RAD50: variants seen among roughly 807,000 people sequenced by gnomAD.
RAD50 encodes RAD50 double strand break repair protein.
RAD50 carries 132 observed loss-of-function variants against 168.8 expected under a neutral mutation model. The observed-to-expected ratio is 0.78, with a 90% CI of 0.68 to 0.90. RAD50 has a LOEUF of 0.90. RAD50 is among the 40% of genes least tolerant of loss of function. RAD50 has a pLI of 0.00. For missense variants in RAD50, 1,347 were observed against 1,534.4 expected (o/e 0.88, Z 2.04); for synonymous variants, 525 against 497.4 (o/e 1.06, Z -0.74).
Position 132,594,943 on chromosome 5 carries a change from C to T in RAD50, c.1868C>T (p.Ser623Phe), listed in dbSNP as rs760464509. 4.3e-6 allele frequency: 7 copies of T among 1,609,818 alleles called. No individual in the cohort carries two copies. In the African/African-American group the frequency reaches 8.0e-5, roughly 18 times the overall value. ...NELKRKEEQL[S>F]SYEDKLFDVC... ...CTAAAAAGAAAGGAAGAGCAGTTGT[C>T]CAGTTACGAAGACAAGCTGTTTGAT... The change falls in exon 12 of 25, where the codon TCC becomes TTC. Residue 623 changes from serine (S) to phenylalanine (F), a missense_variant. By Grantham distance (155) the Ser-to-Phe change is radical. Around this residue, in one of 3 missense-constraint regions of RAD50, gnomAD observed 703 missense variants for 767.7 expected, o/e 0.92. Coordinates refer to ENST00000378823, the MANE Select transcript of RAD50 (RefSeq NM_005732.4).
intron 2 of RAD50, among the ~76,000 whole-genome samples, chr5:132,569,207 A>G (rs1313427525): frequency 6.6e-6 from 1 of 152,236 alleles, no homozygotes; most frequent in Non-Finnish European, 1.5e-5. Context: ...GCTCATAGAT[A>G]TAAAGGAAAA....
At position 132,557,358 on chromosome 5, in the gene RAD50, G is replaced by A. The variant is rs755022536; in HGVS notation, c.34G>A (p.Val12Met). Residue 12 changes from valine to methionine, a missense_variant, in exon 1 of 25, where the codon GTG becomes ATG. By Grantham distance (21) the Val-to-Met change is conservative (BLOSUM62 1). Around this residue, in one of 3 missense-constraint regions of RAD50, gnomAD observed 703 missense variants for 767.7 expected, o/e 0.92. Transcript: ENST00000378823. ...GATCGAAAAGATGAGCATTCTGGGC[G>A]TGCGGAGTTTTGGAATAGAGGACAA... ...SRIEKMSILGVRSFGIEDKDK... is the reference protein window; with the variant it reads ...SRIEKMSILGMRSFGIEDKDK... 5 of 1,613,962 alleles carry A rather than the reference G, an allele frequency of 3.1e-6. No individual in the cohort carries two copies. In the Admixed American group the frequency reaches 5.0e-5, roughly 16 times the overall value.
intron 21 of RAD50, among the ~76,000 whole-genome samples, chr5:132,628,313 A>T (rs1281101185): frequency 6.6e-6 from 1 of 152,228 alleles, no homozygotes; most frequent in Non-Finnish European, 1.5e-5. Context: ...TATGTTTGCA[A>T]ATCCAGTAAA....
chr5:132,608,566 G>A lies in RAD50; in HGVS notation c.2719-49G>A, dbSNP rs761929304. On this transcript the variant is annotated intron_variant, in intron 16 of 24. Transcript: ENST00000378823. The stretch of plus-strand genomic sequence containing the variant: ...AAGACTGTGAAGTCTGACCCCTAAA[G>A]TAAGATAATGGAATATTATATAATA... 13 of 1,430,954 alleles carry A rather than the reference G, an allele frequency of 9.1e-6. No individual in the cohort carries two copies. The South Asian group carries it at 1.6e-4, about 18-fold the overall frequency. 88.6% of individuals were successfully genotyped at this position (1,430,954 alleles called of 1,614,324 possible).
Position 132,646,092 on chromosome 5 carries a change from C to CAAAAAAAAAAA in RAD50, c.*3739_*3749dup, listed in dbSNP as rs757145249. On this transcript the variant is annotated 3_prime_UTR_variant, in exon 25 of 25. Coordinates refer to ENST00000378823, the MANE Select transcript of RAD50 (RefSeq NM_005732.4). The stretch of plus-strand genomic sequence containing the variant: ...CAGAGTGAGACCCTGTCTAAAAAGA[C>CAAAAAAAAAAA]AAAAAAAAAAAAAAAAAAAAAGCAG... 1.4e-3 allele frequency: 105 copies of CAAAAAAAAAAA among 77,074 alleles called. 1 individual carries two copies. Among genetic ancestry groups the CAAAAAAAAAAA allele is most frequent in the African/African-American group, 3.3e-3 (73 of 22,080 alleles). The allele number at this position is 77,074 out of a possible 1,614,324, so 4.8% of individuals were successfully genotyped here. A position where few individuals can be genotyped will look rare whatever the true frequency, so the allele number is the denominator to read the frequency against.
chr5:132,563,590 A>G (rs1314359921), intron 2 of RAD50, among the ~76,000 whole-genome samples: 2 of 152,220 alleles, frequency 1.3e-5, no homozygotes, highest in African/African-American at 2.4e-5. Context: ...GAAAATTTAA[A>G]GAGAGACCAG....
At chr5:132,560,041 G>A (rs1750096314) in intron 2 of RAD50, among the ~76,000 whole-genome samples, 1 of 147,254 alleles carries the variant, frequency 6.8e-6, no homozygotes, top group South Asian at 2.1e-4. Context: ...ATATAGAAGT[G>A]AAACAACAAT....
chr5:132,613,411 TACTATA>T (rs971769914), intron 19 of RAD50, among the ~76,000 whole-genome samples: 24 of 152,116 alleles, frequency 1.6e-4, no homozygotes, highest in African/African-American at 4.8e-4. Context: ...ATTTGTGGTA[TACTATA>T]ACTGCATCTG....
Position 132,643,008 on chromosome 5 carries a change from G to A in RAD50, c.*644G>A. On this transcript the variant is annotated 3_prime_UTR_variant, in exon 25 of 25. Coordinates refer to ENST00000378823, the MANE Select transcript of RAD50 (RefSeq NM_005732.4). ...TTCTCCTACATATCCCTTCCAGATG[G>A]TCATCCAGACTCAGAGCTCTCTCTA... 1 of 528,500 alleles carries A rather than the reference G, an allele frequency of 1.9e-6. No homozygotes were observed. The highest frequency in any genetic ancestry group is 3.8e-6 in the Non-Finnish European group (1 of 261,944). 32.7% of individuals were successfully genotyped at this position (528,500 alleles called of 1,614,324 possible). A position where few individuals can be genotyped will look rare whatever the true frequency, so the allele number is the denominator to read the frequency against.
chr5:132,628,531 G>T (rs1751407205), intron 21 of RAD50, among the ~76,000 whole-genome samples: 1 of 152,096 alleles, frequency 6.6e-6, no homozygotes, highest in South Asian at 2.1e-4. Context: ...AAGTTGGGTG[G>T]GGAGAGAATG....
At chr5:132,565,071 A>G (rs1324721910) in intron 2 of RAD50, among the ~76,000 whole-genome samples, 1 of 152,052 alleles carries the variant, frequency 6.6e-6, no homozygotes, top group Non-Finnish European at 1.5e-5. Flanking sequence ...TGTTCTCATG[A>G]TAGTGAGTAA....
intron 21 of RAD50, among the ~76,000 whole-genome samples, chr5:132,625,881 C>A (rs1751364714): frequency 6.6e-6 from 1 of 151,958 alleles, no homozygotes; most frequent in East Asian, 1.9e-4. Context: ...GGCTGAATAG[C>A]ACTCCATTGT....
chr5:132,614,126 A>G (rs1751134719), intron 19 of RAD50, among the ~76,000 whole-genome samples: 1 of 152,188 alleles, frequency 6.6e-6, no homozygotes, highest in African/African-American at 2.4e-5. Flanking sequence ...AGAAATGCCT[A>G]GCTGTCTGGT....
intron 20 of RAD50, 57 bp from the exon 21 acceptor site, chr5:132,618,013 C>T (rs766118527): frequency 1.2e-5 from 17 of 1,391,832 alleles, no homozygotes; most frequent in Non-Finnish European, 1.6e-5. Context: ...GACTTTTCCA[C>T]TTCAGGTTGT....
At chr5:132,574,197 C>G (rs1171233997) in intron 2 of RAD50, among the ~76,000 whole-genome samples, 1 of 152,240 alleles carries the variant, frequency 6.6e-6, no homozygotes, top group East Asian at 1.9e-4. Context: ...CCCACCCCTG[C>G]AGCAAACATC....
At position 132,642,431 on chromosome 5, in the gene RAD50, TC is replaced by T. The variant is rs552041819; in HGVS notation, c.*68del. The stretch of plus-strand genomic sequence containing the variant: ...GAAAGTGTATAATAAGAAACTTATT[TC>T]TCATATCAACTTAGTCAATAAGAAA... On this transcript the variant is annotated 3_prime_UTR_variant, in exon 25 of 25. Coordinates refer to ENST00000378823, the MANE Select transcript of RAD50 (RefSeq NM_005732.4). 1,380 of 1,368,232 alleles carry T rather than the reference TC, an allele frequency of 1.0e-3. 25 individuals are homozygous for T. The South Asian group carries it at 0.016, about 16-fold the overall frequency. 84.8% of individuals were successfully genotyped at this position (1,368,232 alleles called of 1,614,324 possible).
chr5:132,589,884 T>G, intron 9 of RAD50, 47 bp downstream of exon 9: 1 of 1,477,832 alleles, frequency 6.8e-7, no homozygotes, highest in Non-Finnish European at 9.3e-7. Context: ...TATAATACTT[T>G]TAGAAGTATT....
chr5:132,589,525 C>G lies in RAD50; in HGVS notation c.1246-106C>G, dbSNP rs1267285001. On this transcript the variant is annotated intron_variant, in intron 8 of 24. Transcript: ENST00000378823. Reference sequence around the variant, plus strand: ...TATATCCCTGCTGAGCAACACACGACTGTACTTTTTTGTATTTTCTTCAGT... The same window carrying G: ...TATATCCCTGCTGAGCAACACACGAGTGTACTTTTTTGTATTTTCTTCAGT... 6.1e-5 allele frequency: 53 copies of G among 863,586 alleles called. 1 individual carries two copies. In the South Asian group the frequency reaches 9.5e-4, roughly 16 times the overall value. 53.5% of individuals were successfully genotyped at this position (863,586 alleles called of 1,614,324 possible). A position where few individuals can be genotyped will look rare whatever the true frequency, so the allele number is the denominator to read the frequency against.
chr5:132,588,941 G>GT, intron 8 of RAD50, 61 bp downstream of exon 8: 1 of 1,523,378 alleles, frequency 6.6e-7, no homozygotes, highest in Non-Finnish European at 9.0e-7. Context: ...TACTTGAATT[G>GT]TTTTAATTTT....
Sources: allele counts gnomAD v4.1 joint callset (sites outside exome capture counted in the v4.1 genomes callset), GRCh38; gene constraint gnomAD v4.1.1; regional missense constraint gnomAD v4.1.1; transcripts MANE v1.5; gene names NCBI Gene and HGNC (gene_info 2026-07-23, HGNC 2026-07-21).